The following USH2A variants were observed in gnomAD, a reference collection of about 807,000 sequenced individuals.
USH2A encodes the protein usherin, also known as Usher syndrome 2A (autosomal recessive, mild).
A neutral mutation model predicts 538.9 loss-of-function variants in USH2A; 443 were observed. The observed-to-expected ratio is 0.82, with a 90% CI of 0.76 to 0.89. The LOEUF (loss-of-function observed/expected upper bound fraction) is 0.89. Ranked by LOEUF, USH2A falls within the 40% of genes least tolerant of loss-of-function variation. The probability of loss-of-function intolerance (pLI) is 0.00; values close to 1 mark genes in which losing one functional copy is unlikely to be tolerated. For synonymous variants in USH2A, 2,413 were observed against 2,273.5 expected (o/e 1.06, Z -1.75); for missense variants, 6,633 against 6,324.8 (o/e 1.05, Z -1.65).
chr1:216,120,993 T>C (rs1036916808), intron 21 of USH2A, among the ~76,000 whole-genome samples: 2 of 152,184 alleles, frequency 1.3e-5, no homozygotes, highest in African/African-American at 4.8e-5. Context: ...TATTTGATAG[T>C]TTTGTTTAAA....
intron 61 of USH2A, among the ~76,000 whole-genome samples, chr1:215,703,272 T>A (rs557933985): frequency 6.6e-6 from 1 of 152,192 alleles, no homozygotes; most frequent in Non-Finnish European, 1.5e-5. Flanking sequence ...TGGGTCTCCC[T>A]TTCAGAAGAC....
chr1:216,308,117 C>T (rs887920203), intron 9 of USH2A, among the ~76,000 whole-genome samples: 6 of 152,056 alleles, frequency 3.9e-5, no homozygotes, highest in African/African-American at 1.4e-4. Context: ...TCAGTTTCTT[C>T]TTTCTATTTG....
At chr1:215,652,905 G>C (rs759960530) in intron 64 of USH2A, among the ~76,000 whole-genome samples, 3 of 152,204 alleles carry the variant, frequency 2.0e-5, no homozygotes, top group Non-Finnish European at 2.9e-5. Flanking sequence ...GGAGGAAAAT[G>C]AGGAAGAAAG....
chr1:215,900,286 T>C, intron 39 of USH2A, 69 bp from the exon 40 acceptor site: 1 of 1,564,134 alleles, frequency 6.4e-7, no homozygotes, highest in Non-Finnish European at 8.7e-7. Context: ...GTAAATTTCT[T>C]ACTACAAAAA....
intron 35 of USH2A, among the ~76,000 whole-genome samples, chr1:215,978,251 T>C (rs1420323319): frequency 6.6e-6 from 1 of 152,176 alleles, no homozygotes; most frequent in South Asian, 2.1e-4. Context: ...GTCATTGCTG[T>C]AAAGAGGAGG....
At chr1:216,201,720 AG>A in intron 16 of USH2A, 1 of 216,644 alleles carries the variant, frequency 4.6e-6, no homozygotes, top group Admixed American at 4.5e-5. Context: ...GACTCAGGTG[AG>A]GGCCACTGTC....
In USH2A at chr1:216,421,754, T is replaced by G. The variant is rs182484453; in HGVS notation, c.485+98A>C. On this transcript the variant is annotated intron_variant, in intron 2 of 71. Coordinates refer to ENST00000307340, the MANE Select transcript of USH2A (RefSeq NM_206933.4). The stretch of plus-strand genomic sequence containing the variant: ...TTAGTCTTCAATACCATGAATTCTA[T>G]ATAGCCTTCACTTCCGGTTTGGAAT... 1.9e-6 allele frequency: 3 copies of G among 1,581,230 alleles called. No homozygotes were observed. The East Asian group carries it at 6.7e-5, about 35-fold the overall frequency.
chr1:216,162,428 A>G (rs1224796314), intron 21 of USH2A, among the ~76,000 whole-genome samples: 1 of 151,998 alleles, frequency 6.6e-6, no homozygotes, highest in Non-Finnish European at 1.5e-5. Flanking sequence ...TTCTCTTAAC[A>G]TTAACTGAAG....
At position 215,727,276 on chromosome 1, in the gene USH2A, CAT is replaced by C. The variant is rs553362346; in HGVS notation, c.12066+752_12066+753del. Among the ~76,000 whole-genome samples the C allele has an allele frequency of 1.3e-5, 2 of 151,600 alleles. 1 individual carries two copies. Among genetic ancestry groups the C allele is most frequent in the African/African-American group, 4.8e-5 (2 of 41,272 alleles). On this transcript the variant is annotated intron_variant, in intron 61 of 71. Coordinates refer to ENST00000307340, the MANE Select transcript of USH2A (RefSeq NM_206933.4). ...GTATACACATACATATATACATATA[CAT>C]ATATATATAGCTATATATTATACTA...
At chr1:216,096,996 A>G in intron 22 of USH2A, 87 bp downstream of exon 22, 1 of 1,312,616 alleles carries the variant, frequency 7.6e-7, no homozygotes, top group African/African-American at 1.5e-5. Flanking sequence ...TTGAATGAAG[A>G]TTCAGTGTGA....
intron 34 of USH2A, 119 bp from the exon 35 acceptor site, chr1:215,993,286 T>C (rs1362457232): frequency 1.0e-5 from 15 of 1,446,262 alleles, no homozygotes; most frequent in South Asian, 2.3e-5. Context: ...TACCTTTACT[T>C]CCCCAAAATA....
At chr1:215,871,283 T>C (rs1367130218) in intron 43 of USH2A, among the ~76,000 whole-genome samples, 2 of 152,234 alleles carry the variant, frequency 1.3e-5, no homozygotes, top group Admixed American at 6.5e-5. Flanking sequence ...ACAATATTCA[T>C]TTCAAGGTTC....
intron 35 of USH2A, among the ~76,000 whole-genome samples, chr1:215,991,522 T>C (rs562794165): frequency 6.6e-6 from 1 of 152,314 alleles, no homozygotes; most frequent in Admixed American, 6.5e-5. Flanking sequence ...TGTCTAACCA[T>C]TGTACCACAA....
intron 35 of USH2A, among the ~76,000 whole-genome samples, chr1:215,989,602 G>A (rs968682036): frequency 1.3e-5 from 2 of 152,094 alleles, no homozygotes; most frequent in African/African-American, 4.8e-5. Context: ...GAAGCGATCT[G>A]GGTGAGCAAT....
intron 58 of USH2A, among the ~76,000 whole-genome samples, chr1:215,748,032 C>T (rs1660526141): frequency 6.6e-6 from 1 of 151,942 alleles, no homozygotes; most frequent in Non-Finnish European, 1.5e-5. Context: ...GCTGGGACTA[C>T]AGGCGCCCGC....
intron 29 of USH2A, among the ~76,000 whole-genome samples, chr1:216,071,173 C>A (rs181978960): frequency 2.6e-5 from 4 of 152,136 alleles, no homozygotes; most frequent in African/African-American, 9.7e-5. Flanking sequence ...GACTCCTGAG[C>A]CCTGTCGATG....
At chr1:216,281,448 T>C (rs1026104518) in intron 11 of USH2A, among the ~76,000 whole-genome samples, 1 of 152,176 alleles carries the variant, frequency 6.6e-6, no homozygotes, top group Non-Finnish European at 1.5e-5. Context: ...AAAACAGATT[T>C]TTGCACTTGG....
intron 37 of USH2A, among the ~76,000 whole-genome samples, chr1:215,962,345 AT>A (rs1667221658): frequency 6.6e-6 from 1 of 152,148 alleles, no homozygotes; most frequent in Non-Finnish European, 1.5e-5. Flanking sequence ...GTGAAAGGAC[AT>A]TCCCATATGT....
intron 25 of USH2A, 32 bp from the exon 26 acceptor site, chr1:216,083,618 T>G (rs771993216): frequency 1.2e-5 from 20 of 1,606,996 alleles, no homozygotes; most frequent in Non-Finnish European, 1.6e-5. Flanking sequence ...CATATTAGCA[T>G]GTGTAACACA....
Sources: allele counts gnomAD v4.1 joint callset (sites outside exome capture counted in the v4.1 genomes callset), GRCh38; gene constraint gnomAD v4.1.1; transcripts MANE v1.5; gene names NCBI Gene and HGNC (gene_info 2026-07-23, HGNC 2026-07-21).